The following NFAT5 variants were observed in gnomAD, a reference collection of about 807,000 sequenced individuals.
NFAT5 encodes the protein nuclear factor of activated T cells 5, also known as nuclear factor of activated T-cells 5.
A neutral mutation model predicts 166.5 loss-of-function variants in NFAT5; 31 were observed. The ratio of observed to expected loss-of-function variants is 0.19; its 90% CI spans 0.14 to 0.25. The LOEUF (loss-of-function observed/expected upper bound fraction) is 0.25. Ranked by LOEUF, NFAT5 falls within the 10% of genes least tolerant of loss-of-function variation. The probability of loss-of-function intolerance (pLI) is 1.00; values close to 1 mark genes in which losing one functional copy is unlikely to be tolerated. For synonymous variants in NFAT5, 612 were observed against 639.7 expected (o/e 0.96, Z 0.65); for missense variants, 1,449 against 1,821.8 (o/e 0.80, Z 3.72).
intron 9 of NFAT5, among the ~76,000 whole-genome samples, chr16:69,673,176 G>A (rs1340082494): frequency 6.6e-6 from 1 of 152,136 alleles, no homozygotes; most frequent in Non-Finnish European, 1.5e-5. Context: ...CTTATTTGGT[G>A]ACTATATCTA....
chr16:69,625,532 CTT>C (rs138982383), intron 2 of NFAT5, among the ~76,000 whole-genome samples: 2 of 141,182 alleles, frequency 1.4e-5, no homozygotes, highest in Non-Finnish European at 3.1e-5. Context: ...CATAACATTC[CTT>C]TTTTTTTTTT....
intron 10 of NFAT5, among the ~76,000 whole-genome samples, chr16:69,678,008 AT>A (rs1161588192): frequency 6.6e-6 from 1 of 151,414 alleles, no homozygotes; most frequent in Non-Finnish European, 1.5e-5. Flanking sequence ...CAAAAAAAAA[AT>A]TAGCTGGGTG....
chr16:69,647,021 A>C lies in NFAT5; in HGVS notation c.254-7A>C. 3 of 1,553,494 alleles carry C rather than the reference A, an allele frequency of 1.9e-6. No homozygotes were observed. The highest frequency in any genetic ancestry group is 2.6e-6 in the Non-Finnish European group (3 of 1,148,330). On this transcript the variant is annotated splice_polypyrimidine_tract_variant and splice_region_variant and intron_variant, in intron 3 of 14. Coordinates refer to ENST00000349945, the MANE Select transcript of NFAT5 (RefSeq NM_138713.4). This position sits in a 1 kb window ranked among gnomAD's most constrained non-coding sequence, Gnocchi z 4.8. ...TAGTGTATTTACTCTTGAATTGTAC[A>C]CTGCAGATGCTTCTTCAGCTCCCTC... is the stretch of plus-strand genomic sequence containing the variant.
rs962461469 is a variant in NFAT5, at chr16:69,659,843, T to A, written c.1313T>A (p.Met438Lys). Residue 438 changes from methionine (M) to lysine (K), a missense_variant, in exon 7 of 15, where the codon ATG becomes AAG. By Grantham distance (95) the Met-to-Lys change is moderately conservative (BLOSUM62 -1). Coordinates refer to ENST00000349945, the MANE Select transcript of NFAT5 (RefSeq NM_138713.4). ...RARLVFRVNI[M>K]RKDGSTLTLQ... ...AGATTGGTTTTTCGAGTTAATATCA[T>A]GAGGAAAGATGGCTCCACTTTGACA... is the stretch of plus-strand genomic sequence containing the variant. 3 of 1,614,092 alleles carry A rather than the reference T, an allele frequency of 1.9e-6. No individual in the cohort carries two copies. The highest frequency in any genetic ancestry group is 2.2e-5 in the East Asian group (1 of 44,874).
intron 9 of NFAT5, among the ~76,000 whole-genome samples, chr16:69,674,101 G>A (rs755940695): frequency 5.3e-5 from 8 of 151,844 alleles, no homozygotes; most frequent in Non-Finnish European, 8.8e-5. Context: ...AAATTTGCTG[G>A]GTGTGGTGGC....
chr16:69,565,994 C>G lies in NFAT5; in HGVS notation c.-308C>G. On this transcript the variant is annotated 5_prime_UTR_variant, in exon 1 of 15. Transcript: ENST00000349945. ...TTCCTGTCAGCGGCGGCGGCGGTGG[C>G]GGCGACCGTCAGTTTTCGCTGAGGA... The G allele has an allele frequency of 1.8e-4, 48 of 267,668 alleles. No homozygotes were observed. The highest frequency in any genetic ancestry group is 1.3e-3 in the Middle Eastern group (1 of 764). The allele number at this position is 267,668 out of a possible 1,614,324, so 16.6% of individuals were successfully genotyped here.
Position 69,627,321 on chromosome 16 carries a change from AACATATATATATATATATATATAT to A in NFAT5, c.253+795_253+818del, listed in dbSNP as rs1258207559. On this transcript the variant is annotated intron_variant, in intron 3 of 14. Coordinates refer to ENST00000349945, the MANE Select transcript of NFAT5 (RefSeq NM_138713.4). ...AAGTGTGTTTGTTTTAAAAAAAGGA[AACATATATATATATATATATATAT>A]ATATATATATATATATATATATATA... Among the ~76,000 whole-genome samples the A allele has an allele frequency of 4.2e-5, 4 of 94,156 alleles. No individual in the cohort carries two copies. In the Admixed American group the frequency reaches 4.8e-4, roughly 11 times the overall value. The allele number at this position is 94,156 out of a possible 152,430, so 61.8% of individuals were successfully genotyped here.
Position 69,658,210 on chromosome 16 carries a change from T to G in NFAT5, c.1197-1517T>G, listed in dbSNP as rs1237833037. 2.0e-5 allele frequency among the ~76,000 whole-genome samples: 3 copies of G among 152,054 alleles called. No homozygotes were observed. The East Asian group carries it at 5.8e-4, about 29-fold the overall frequency. ...AAGAAAGTTGAAAACAGGCCAGGCGTGCTGGCTCATGCCTGTAATCCCAAT... is the reference window on the plus strand; with the variant it reads ...AAGAAAGTTGAAAACAGGCCAGGCGGGCTGGCTCATGCCTGTAATCCCAAT... On this transcript the variant is annotated intron_variant, in intron 6 of 14. Transcript: ENST00000349945.
In NFAT5 at chr16:69,700,860, A is replaced by C. The variant is rs562894476; in HGVS notation, c.*4509A>C. ...TTGTGTCACTAGAGCAAAATTGTAGAGATAATGCTCATAATGCAGTAAATA... is the reference window on the plus strand; with the variant it reads ...TTGTGTCACTAGAGCAAAATTGTAGCGATAATGCTCATAATGCAGTAAATA... On this transcript the variant is annotated 3_prime_UTR_variant, in exon 15 of 15. Transcript: ENST00000349945. 2.0e-5 allele frequency: 3 copies of C among 152,172 alleles called. No individual in the cohort carries two copies. The highest frequency in any genetic ancestry group is 7.2e-5 in the African/African-American group (3 of 41,518). The allele number at this position is 152,172 out of a possible 1,614,324, so 9.4% of individuals were successfully genotyped here. A position where few individuals can be genotyped will look rare whatever the true frequency, so the allele number is the denominator to read the frequency against.
At chr16:69,592,080 CTTTTTT>C (rs3037496) in intron 2 of NFAT5, among the ~76,000 whole-genome samples, 9 of 118,110 alleles carry the variant, frequency 7.6e-5, no homozygotes, top group Admixed American at 2.8e-4. Flanking sequence ...ATTACTTTTT[CTTTTTT>C]TTTTTTTTTT....
chr16:69,673,541 AG>A (rs975178233), intron 9 of NFAT5, among the ~76,000 whole-genome samples: 2 of 151,854 alleles, frequency 1.3e-5, no homozygotes, highest in Non-Finnish European at 2.9e-5. Flanking sequence ...TGGGCAACAT[AG>A]TGAGATCCCA....
At chr16:69,679,476 G>A (rs538371111) in intron 10 of NFAT5, among the ~76,000 whole-genome samples, 2 of 151,970 alleles carry the variant, frequency 1.3e-5, no homozygotes, top group Non-Finnish European at 1.5e-5. Context: ...TTAGCCAGGC[G>A]TGGTGGTGGG....
intron 7 of NFAT5, among the ~76,000 whole-genome samples, chr16:69,663,384 G>A (rs1379704393): frequency 2.0e-5 from 3 of 151,942 alleles, no homozygotes; most frequent in African/African-American, 7.3e-5. Context: ...AGGTGTATAT[G>A]TTTTTTGTTT....
At chr16:69,658,073 G>A (rs2035966093) in intron 6 of NFAT5, among the ~76,000 whole-genome samples, 1 of 146,998 alleles carries the variant, frequency 6.8e-6, no homozygotes, top group Non-Finnish European at 1.5e-5. Context: ...GACAGGGCGA[G>A]ACTTGTCTCA....
chr16:69,684,970 G>T lies in NFAT5; in HGVS notation c.1774G>T (p.Ala592Ser). The change falls in exon 11 of 15, where the codon GCA (alanine) becomes TCA (serine). Residue 592 changes from alanine (A) to serine (S), a missense_variant and splice_region_variant. By Grantham distance (99) the Ala-to-Ser change is moderately conservative. Coordinates refer to ENST00000349945, the MANE Select transcript of NFAT5 (RefSeq NM_138713.4). ...TTGCTCTTTTGAAGAGGCCATGAAA[G>T]GTACCAAGTAAATTCTTCTCAAAAA... ...RPCSFEEAMK[A>S]MKTTGCNLDK... 6.2e-7 allele frequency: 1 copy of T among 1,602,902 alleles called. No homozygotes were observed. The highest frequency in any genetic ancestry group is 1.1e-5 in the South Asian group (1 of 89,230).
intron 2 of NFAT5, among the ~76,000 whole-genome samples, chr16:69,576,145 A>T (rs2016734159): frequency 6.6e-6 from 1 of 152,014 alleles, no homozygotes; most frequent in African/African-American, 2.4e-5. Flanking sequence ...TACTAAAAAA[A>T]TACAAAAAAA....
chr16:69,608,491 T>C (rs1597392381), intron 2 of NFAT5, among the ~76,000 whole-genome samples: 1 of 152,236 alleles, frequency 6.6e-6, no homozygotes, highest in Non-Finnish European at 1.5e-5. Flanking sequence ...GCGCGGTGGC[T>C]CACGCCTGTA....
intron 9 of NFAT5, among the ~76,000 whole-genome samples, chr16:69,672,668 C>T (rs527855944): frequency 6.6e-5 from 10 of 152,172 alleles, no homozygotes; most frequent in Non-Finnish European, 1.0e-4. Context: ...TTGTTCTTTC[C>T]GAGGATACTT....
intron 3 of NFAT5, among the ~76,000 whole-genome samples, chr16:69,642,632 A>G (rs2035260754): frequency 6.6e-6 from 1 of 152,066 alleles, no homozygotes; most frequent in African/African-American, 2.4e-5. Flanking sequence ...CAGCCTGGCC[A>G]GTATGGTGAA....
Sources: gnomAD v4.1 joint callset for allele counts (sites outside exome capture counted in the v4.1 genomes callset) on GRCh38, gnomAD v4.1.1 for gene constraint, Gnocchi (gnomAD v3.1) non-coding constraint, MANE v1.5 for transcripts, NCBI Gene and HGNC (gene_info 2026-07-23, HGNC 2026-07-21) for gene names.